Variants in STAU2 observed in about 807,000 individuals in gnomAD.
STAU2 encodes the protein double-stranded RNA-binding protein Staufen homolog 2.
A neutral mutation model predicts 65.9 loss-of-function variants in STAU2; 20 were observed. The ratio of observed to expected loss-of-function variants is 0.30; its 90% CI spans 0.21 to 0.44. The LOEUF is 0.44. STAU2 is among the 20% of genes least tolerant of loss of function. The probability of loss-of-function intolerance (pLI) is 1.00; values close to 1 mark genes in which losing one functional copy is unlikely to be tolerated. For synonymous variants in STAU2, 232 were observed against 233.9 expected (o/e 0.99, Z 0.07); for missense variants, 558 against 683.9 (o/e 0.82, Z 2.05).
intron 11 of STAU2, among the ~76,000 whole-genome samples, chr8:73,586,129 A>C (rs1270712799): frequency 6.6e-6 from 1 of 152,040 alleles, no homozygotes; most frequent in Non-Finnish European, 1.5e-5. Flanking sequence ...GAGGTAAGTC[A>C]AAGTCTGGAA....
intron 4 of STAU2, among the ~76,000 whole-genome samples, chr8:73,700,225 G>C (rs1184816316): frequency 2.0e-5 from 3 of 151,930 alleles, no homozygotes; most frequent in Non-Finnish European, 4.4e-5. Context: ...TAATGAATGG[G>C]GAAAAACTGA....
rs549592976 is a variant in STAU2 at position 73,550,850 on chromosome 8, G to T, written c.1530+1162C>A. Reference sequence around the variant, plus strand: ...TTTGAAAGAATCAGAAGGGTTCGGTGAAGTGAAAAAAAAATCCGAACATGC... The same window carrying T: ...TTTGAAAGAATCAGAAGGGTTCGGTTAAGTGAAAAAAAAATCCGAACATGC... On this transcript the variant is annotated intron_variant, in intron 13 of 14. Transcript: ENST00000524300. 3.8e-3 allele frequency: 3,732 copies of T among 987,218 alleles called. 14 individuals carry two copies. The highest frequency in any genetic ancestry group is 4.2e-3 in the Non-Finnish European group (3,500 of 829,980). The allele number at this position is 987,218 out of a possible 1,614,324, so 61.2% of individuals were successfully genotyped here. A position where few individuals can be genotyped will look rare whatever the true frequency, so the allele number is the denominator to read the frequency against.
chr8:73,697,994 C>T (rs1311008207), intron 4 of STAU2, among the ~76,000 whole-genome samples: 2 of 151,956 alleles, frequency 1.3e-5, no homozygotes, highest in East Asian at 1.9e-4. Context: ...GCATGAGAAT[C>T]GCTTGAACCT....
intron 13 of STAU2, among the ~76,000 whole-genome samples, chr8:73,491,139 A>G (rs1036247257): frequency 1.3e-5 from 2 of 152,052 alleles, no homozygotes; most frequent in Non-Finnish European, 2.9e-5. Flanking sequence ...GTAGAATTTT[A>G]GGCTTATATT....
chr8:73,609,953 A>G (rs1812323435), intron 9 of STAU2, among the ~76,000 whole-genome samples: 1 of 152,160 alleles, frequency 6.6e-6, no homozygotes, highest in Non-Finnish European at 1.5e-5. Context: ...CATAAATCCA[A>G]TTTAGATAAT....
intron 6 of STAU2, 182 bp downstream of exon 6, chr8:73,672,925 G>T: frequency 2.2e-5 from 10 of 463,816 alleles, no homozygotes; most frequent in East Asian, 8.0e-5. Flanking sequence ...ACTAGTTCCT[G>T]AAAACTGGGT....
chr8:73,489,330 G>C (rs1821058597), intron 13 of STAU2, among the ~76,000 whole-genome samples: 1 of 151,806 alleles, frequency 6.6e-6, no homozygotes, highest in Non-Finnish European at 1.5e-5. Flanking sequence ...TGCTCTTCCT[G>C]CTTCTTTTAA....
intron 13 of STAU2, among the ~76,000 whole-genome samples, chr8:73,512,437 A>G (rs1472936116): frequency 6.6e-6 from 1 of 152,156 alleles, no homozygotes; most frequent in Non-Finnish European, 1.5e-5. Context: ...AATATTTTAT[A>G]GTTTTCCATG....
chr8:73,647,620 C>A (rs1243550723), intron 6 of STAU2, among the ~76,000 whole-genome samples: 1 of 151,248 alleles, frequency 6.6e-6, no homozygotes, highest in Non-Finnish European at 1.5e-5. Flanking sequence ...ACTCTGTTGC[C>A]CAGGCTGGAG....
At chr8:73,506,791 G>A (rs554020049) in intron 13 of STAU2, among the ~76,000 whole-genome samples, 5 of 152,202 alleles carry the variant, frequency 3.3e-5, no homozygotes, top group South Asian at 4.2e-4. Flanking sequence ...TTTAAAAATC[G>A]GAGTCTATCC....
chr8:73,642,424 G>C (rs746288855), intron 6 of STAU2, among the ~76,000 whole-genome samples: 16 of 152,156 alleles, frequency 1.1e-4, no homozygotes, highest in Non-Finnish European at 2.2e-4. Context: ...TCACGAGGCT[G>C]AGGTAGGAGA....
rs142138035 is a variant in STAU2 at position 73,504,067 on chromosome 8, C to T, written c.1530+47945G>A. Among the ~76,000 whole-genome samples the T allele has an allele frequency of 1.5e-3, 224 of 152,110 alleles. 1 individual carries two copies. Among genetic ancestry groups the T allele is most frequent in the African/African-American group, 4.4e-3 (182 of 41,522 alleles). On this transcript the variant is annotated intron_variant, in intron 13 of 14. Transcript: ENST00000524300. Reference sequence around the variant, plus strand: ...TATTTGGTGACCTTAATAAAGAAAACCTTTGAATAGCACACTTTGAAAATG... The same window carrying T: ...TATTTGGTGACCTTAATAAAGAAAATCTTTGAATAGCACACTTTGAAAATG...
At chr8:73,551,243 T>C in intron 13 of STAU2, 1 of 987,138 alleles carries the variant, frequency 1.0e-6, no homozygotes, top group Non-Finnish European at 1.2e-6. Flanking sequence ...TTTTGTGGGG[T>C]TTTTTCCCAG....
At chr8:73,566,267 T>C (rs1808603676) in intron 12 of STAU2, among the ~76,000 whole-genome samples, 1 of 152,212 alleles carries the variant, frequency 6.6e-6, no homozygotes, top group South Asian at 2.1e-4. Flanking sequence ...TTTTTTAAAT[T>C]TGACTATTAC....
chr8:73,475,822 C>G (rs1206882242), intron 13 of STAU2, among the ~76,000 whole-genome samples: 1 of 152,292 alleles, frequency 6.6e-6, no homozygotes, highest in Admixed American at 6.5e-5. Context: ...GACTAGAATT[C>G]AGGTTCCCTA....
intron 13 of STAU2, chr8:73,549,803 T>A (rs1241481649): frequency 5.1e-6 from 5 of 985,280 alleles, no homozygotes; most frequent in African/African-American, 1.7e-5. Flanking sequence ...AAAGAATTTA[T>A]TGTTTTTAAG....
intron 4 of STAU2, among the ~76,000 whole-genome samples, chr8:73,705,279 G>A (rs992021815): frequency 1.3e-5 from 2 of 152,040 alleles, no homozygotes; most frequent in African/African-American, 2.4e-5. Context: ...ACATAAGCTC[G>A]GCAATGAAGG....
At chr8:73,733,383 A>T (rs981702412) in intron 3 of STAU2, among the ~76,000 whole-genome samples, 14 of 152,228 alleles carry the variant, frequency 9.2e-5, no homozygotes, top group African/African-American at 3.4e-4. Context: ...TCATTTAAAA[A>T]TATTATTCAC....
intron 3 of STAU2, among the ~76,000 whole-genome samples, chr8:73,714,761 T>A (rs1305660641): frequency 2.0e-5 from 3 of 152,100 alleles, no homozygotes; most frequent in Non-Finnish European, 4.4e-5. Context: ...TTGAGTTACT[T>A]TTTGTATACA....
Sources: gnomAD v4.1 joint callset for allele counts (sites outside exome capture counted in the v4.1 genomes callset) on GRCh38, gnomAD v4.1.1 for gene constraint, MANE v1.5 for transcripts, NCBI Gene and HGNC (gene_info 2026-07-23, HGNC 2026-07-21) for gene names.